Variants in PGC observed in about 807,000 individuals in gnomAD.
The protein encoded by PGC is gastricsin.
PGC carries 31 observed loss-of-function variants against 45.9 expected under a neutral mutation model. That is an observed-to-expected ratio of 0.67 (90% CI 0.51 to 0.91). The LOEUF (loss-of-function observed/expected upper bound fraction) is 0.91. PGC is among the 40% of genes least tolerant of loss of function. PGC has a pLI of 0.00. For missense variants in PGC, 477 were observed against 493.2 expected (o/e 0.97, Z 0.31); for synonymous variants, 192 against 201.8 (o/e 0.95, Z 0.41).
intron 1 of PGC, among the ~76,000 whole-genome samples, chr6:41,745,579 C>T (rs545578836): frequency 7.9e-4 from 113 of 142,162 alleles, no homozygotes; most frequent in Middle Eastern, 7.6e-3. Flanking sequence ...GACAGAGTTT[C>T]GCTCTTGTTG....
intron 8 of PGC, 123 bp downstream of exon 8, chr6:41,737,607 A>G (rs1771710269): frequency 1.6e-6 from 1 of 621,948 alleles, no homozygotes; most frequent in Admixed American, 2.7e-5. Flanking sequence ...AGTGGGGAAG[A>G]TAAATGAGTA....
In PGC at chr6:41,738,241, T is replaced by C. The variant is rs1377539603; in HGVS notation, c.916-413A>G. ...ATATATATATGCATATATATATGTA[T>C]ATATATATGCATATATATATATGCA... On this transcript the variant is annotated intron_variant, in intron 7 of 8. Coordinates refer to ENST00000373025, the MANE Select transcript of PGC (RefSeq NM_002630.4). Among the ~76,000 whole-genome samples the C allele has an allele frequency of 2.0e-3, 43 of 21,738 alleles. 2 individuals carry two copies. Among genetic ancestry groups the C allele is most frequent in the East Asian group, 3.1e-3 (2 of 654 alleles). The allele number at this position is 21,738 out of a possible 152,430, so 14.3% of individuals were successfully genotyped here.
At position 41,737,575 on chromosome 6, in the gene PGC, A is replaced by G. The variant is rs185672920; in HGVS notation, c.1014+155T>C. On this transcript the variant is annotated intron_variant, in intron 8 of 8. Coordinates refer to ENST00000373025, the MANE Select transcript of PGC (RefSeq NM_002630.4). ...CTTCTATTTCATAGCCTTGTTCCAGAGAAGGGGGTTTAGAATCAATGAGTG... is the reference window on the plus strand; with the variant it reads ...CTTCTATTTCATAGCCTTGTTCCAGGGAAGGGGGTTTAGAATCAATGAGTG... Among the ~76,000 whole-genome samples, 4 of 152,302 alleles carry G rather than the reference A, an allele frequency of 2.6e-5. No individual in the cohort carries two copies. In the East Asian group the frequency reaches 7.7e-4, roughly 29 times the overall value.
intron 7 of PGC, among the ~76,000 whole-genome samples, chr6:41,739,395 A>G (rs1771781684): frequency 6.6e-6 from 1 of 151,674 alleles, no homozygotes; most frequent in South Asian, 2.1e-4. Context: ...CCTTGGGCAG[A>G]TAGAGGCTTG....
chr6:41,740,345 A>C, intron 6 of PGC, 146 bp downstream of exon 6: 2 of 1,060,090 alleles, frequency 1.9e-6, no homozygotes, highest in Non-Finnish European at 2.7e-6. Context: ...TCACCCCTGC[A>C]GAGGACAGTT....
At chr6:41,738,241 TATATATATGC>T (rs1771751844) in intron 7 of PGC, among the ~76,000 whole-genome samples, 2 of 21,782 alleles carry the variant, frequency 9.2e-5, no homozygotes, top group South Asian at 2.9e-3. Context: ...TATATATGTA[TATATATATGC>T]ATATATATAT....
chr6:41,737,581 G>T (rs1340534593), intron 8 of PGC, 149 bp downstream of exon 8: 5 of 577,528 alleles, frequency 8.7e-6, no homozygotes, highest in Non-Finnish European at 9.5e-6. Context: ...CCAGAGAAGG[G>T]GGTTTAGAAT....
In PGC at chr6:41,739,804, C is replaced by T; in HGVS notation, c.910G>A (p.Gly304Arg). 6.2e-7 allele frequency: 1 copy of T among 1,613,192 alleles called. No homozygotes were observed. The highest frequency in any genetic ancestry group is 8.5e-7 in the Non-Finnish European group (1 of 1,179,492). Reference protein sequence around the residue: ...QATGAQEDEYGQFLVNCNSIQ... With the variant: ...QATGAQEDEYRQFLVNCNSIQ... ...GACACCCTCACCAGTCACACCTGTC[C>T]ATACTCATCCTCCTGGGCCCCTGTG... Residue 304 changes from glycine (G) to arginine (R), a missense_variant, in exon 7 of 9, where the codon GGA becomes AGA. Transcript: ENST00000373025.
intron 5 of PGC, 114 bp from the exon 6 acceptor site, chr6:41,740,724 C>T (rs2127289419): frequency 6.7e-6 from 10 of 1,481,914 alleles, no homozygotes; most frequent in Non-Finnish European, 8.9e-6. Context: ...GACGGGGGCT[C>T]CCTGAGGAGA....
At chr6:41,743,423 G>A (rs750181691) in intron 3 of PGC, 34 bp from the exon 4 acceptor site, 29 of 1,330,892 alleles carry the variant, frequency 2.2e-5, no homozygotes, top group African/African-American at 1.4e-5. Flanking sequence ...GAGTCAGGCC[G>A]GCTGGGGCAG....
chr6:41,739,683 T>C, intron 7 of PGC, 116 bp downstream of exon 7: 1 of 1,043,672 alleles, frequency 9.6e-7, no homozygotes. Flanking sequence ...CCTCCCAAAG[T>C]GTTGGGATTA....
chr6:41,737,835 G>A lies in PGC; in HGVS notation c.916-7C>T, dbSNP rs760974781. ...TGTTACAGTTCACGAGAAACTGCAA[G>A]AGGAATAGGTCCCTGGTTAACTCAT... On this transcript the variant is annotated splice_polypyrimidine_tract_variant and splice_region_variant and intron_variant, in intron 7 of 8. Transcript: ENST00000373025. 1.3e-6 allele frequency: 2 copies of A among 1,555,806 alleles called. No individual in the cohort carries two copies. Among genetic ancestry groups the A allele is most frequent in the Non-Finnish European group, 1.8e-6 (2 of 1,127,202 alleles).
At chr6:41,741,482 C>A (rs890146814) in intron 5 of PGC, among the ~76,000 whole-genome samples, 5 of 152,268 alleles carry the variant, frequency 3.3e-5, no homozygotes, top group Admixed American at 2.0e-4. Context: ...CCCGTCTCTA[C>A]TAAAAACACA....
chr6:41,737,167 G>A (rs1244394242), intron 8 of PGC, among the ~76,000 whole-genome samples, 163 bp from the exon 9 acceptor site: 2 of 152,184 alleles, frequency 1.3e-5, no homozygotes, highest in Non-Finnish European at 2.9e-5. Flanking sequence ...CAGAGCGGGT[G>A]GGAGGATTTC....
chr6:41,741,621 G>A (rs577478559), intron 5 of PGC, among the ~76,000 whole-genome samples: 10 of 152,268 alleles, frequency 6.6e-5, no homozygotes, highest in African/African-American at 1.9e-4. Context: ...ACTCCAGACC[G>A]GGTGACAGAG....
rs1771891995 is a variant in PGC, at chr6:41,744,570, C to T, written c.211-56G>A. On this transcript the variant is annotated intron_variant, in intron 2 of 8. Coordinates refer to ENST00000373025, the MANE Select transcript of PGC (RefSeq NM_002630.4). This position sits in a 1 kb window ranked among gnomAD's most constrained non-coding sequence, Gnocchi z 4.4. ...AGAGGGATCCAGGGGCCCCAGGCTCCTCCATGGGCAGAGGAGTGAAGGGAC... is the reference window on the plus strand; with the variant it reads ...AGAGGGATCCAGGGGCCCCAGGCTCTTCCATGGGCAGAGGAGTGAAGGGAC... The T allele has an allele frequency of 1.3e-6, 2 of 1,583,182 alleles. No individual in the cohort carries two copies. Among genetic ancestry groups the T allele is most frequent in the African/African-American group, 2.7e-5 (2 of 74,036 alleles).
rs1014501720 is a variant in PGC, at chr6:41,741,821, G to A, written c.647+469C>T. On this transcript the variant is annotated intron_variant, in intron 5 of 8. Transcript: ENST00000373025. ...CTGCTAGGGGTCAGCAGTGGACCTA[G>A]ACCAGAAGACTCCAGGACCAGGCTA... is the stretch of plus-strand genomic sequence containing the variant. 17 of 1,536,370 alleles carry A rather than the reference G, an allele frequency of 1.1e-5. No individual in the cohort carries two copies. In the African/African-American group the frequency reaches 1.9e-4, roughly 17 times the overall value.
chr6:41,740,857 C>G (rs1372689674), intron 5 of PGC: 2 of 1,432,174 alleles, frequency 1.4e-6, no homozygotes, highest in East Asian at 2.5e-5. Flanking sequence ...GTCTGTGTCT[C>G]CCTCAGACTG....
At chr6:41,747,152 T>C (rs2127293366) in intron 1 of PGC, 124 bp downstream of exon 1, 1 of 789,924 alleles carries the variant, frequency 1.3e-6, no homozygotes, top group Non-Finnish European at 2.2e-6. Context: ...AAGGGAGACT[T>C]CCCTTCCCCT....
Sources: gnomAD v4.1 joint callset for allele counts (sites outside exome capture counted in the v4.1 genomes callset) on GRCh38, gnomAD v4.1.1 for gene constraint, Gnocchi (gnomAD v3.1) non-coding constraint, MANE v1.5 for transcripts, NCBI Gene and HGNC (gene_info 2026-07-23, HGNC 2026-07-21) for gene names.